The following MGAT4C variants were observed in gnomAD, a reference collection of about 807,000 sequenced individuals.
MGAT4C encodes MGAT4 family member C, also known as alpha-1,3-mannosyl-glycoprotein 4-beta-N-acetylglucosaminyltransferase C.
MGAT4C carries 19 observed loss-of-function variants against 40.1 expected under a neutral mutation model. The observed-to-expected ratio is 0.47, with a 90% confidence interval of 0.33 to 0.70. The LOEUF (loss-of-function observed/expected upper bound fraction) is 0.70, where lower values mean the gene tolerates loss of function less well. Ranked by LOEUF, MGAT4C falls within the 30% of genes least tolerant of loss-of-function variation. The pLI, the probability that MGAT4C is intolerant of heterozygous loss-of-function variation, is 0.02. For missense variants in MGAT4C, 491 were observed against 563.2 expected (o/e 0.87, Z 1.30); for synonymous variants, 181 against 187.1 (o/e 0.97, Z 0.27).
At chr12:86,626,725 C>T (rs370293461) in intron 2 of MGAT4C, among the ~76,000 whole-genome samples, 1 of 152,238 alleles carries the variant, frequency 6.6e-6, no homozygotes, top group African/African-American at 2.4e-5. Context: ...TAGAATTATT[C>T]CCTAAAACAT....
intron 4 of MGAT4C, among the ~76,000 whole-genome samples, chr12:86,308,141 A>G (rs1953985906): frequency 1.3e-5 from 2 of 150,846 alleles, no homozygotes; most frequent in South Asian, 2.1e-4. Flanking sequence ...GAAAACATCA[A>G]TTATGTTTAT....
intron 1 of MGAT4C, among the ~76,000 whole-genome samples, chr12:86,156,935 G>T (rs565018374): frequency 1.3e-5 from 2 of 152,030 alleles, no homozygotes; most frequent in African/African-American, 4.8e-5. Flanking sequence ...GGCAATTTTG[G>T]CAATTTCCCT....
At chr12:86,824,458 G>T (rs1454693198) in intron 1 of MGAT4C, among the ~76,000 whole-genome samples, 1 of 151,312 alleles carries the variant, frequency 6.6e-6, no homozygotes, top group Non-Finnish European at 1.5e-5. Context: ...AAAAGTTATG[G>T]CTACAGTACA....
At chr12:86,389,078 G>C (rs552292970) in intron 3 of MGAT4C, among the ~76,000 whole-genome samples, 13 of 152,222 alleles carry the variant, frequency 8.5e-5, no homozygotes, top group African/African-American at 2.9e-4. Flanking sequence ...ACTGGTGCAA[G>C]TGCAGATTTG....
intron 1 of MGAT4C, among the ~76,000 whole-genome samples, chr12:86,116,105 G>T (rs546812922): frequency 6.6e-6 from 1 of 151,924 alleles, no homozygotes; most frequent in Admixed American, 6.6e-5. Context: ...CATAAAGGCT[G>T]CTCTGGCCCA....
chr12:86,018,298 T>C (rs183415527), intron 2 of MGAT4C, among the ~76,000 whole-genome samples: 20 of 152,302 alleles, frequency 1.3e-4, no homozygotes, highest in Admixed American at 1.1e-3. Flanking sequence ...TATATTAAAA[T>C]CAACAGAATA....
intron 1 of MGAT4C, among the ~76,000 whole-genome samples, chr12:86,741,945 T>C (rs527460020): frequency 2.3e-4 from 35 of 151,648 alleles, no homozygotes; most frequent in Non-Finnish European, 3.3e-4. Flanking sequence ...TTCTGTATTG[T>C]ATTTAAACAA....
intron 1 of MGAT4C, among the ~76,000 whole-genome samples, chr12:86,079,649 A>G (rs1315646126): frequency 6.6e-6 from 1 of 152,162 alleles, no homozygotes; most frequent in Admixed American, 6.5e-5. Context: ...AATTACCCTG[A>G]AAACATTCCT....
At chr12:86,031,047 A>G (rs1358401493) in intron 2 of MGAT4C, among the ~76,000 whole-genome samples, 1 of 151,798 alleles carries the variant, frequency 6.6e-6, no homozygotes, top group East Asian at 1.9e-4. Context: ...GCCACACTTA[A>G]GATTGACATT....
At chr12:85,986,849 G>C (rs950232791) in intron 3 of MGAT4C, among the ~76,000 whole-genome samples, 1 of 151,946 alleles carries the variant, frequency 6.6e-6, no homozygotes, top group African/African-American at 2.4e-5. Context: ...ATTCTTGGAG[G>C]GGGCCAGTTT....
chr12:86,407,406 G>T (rs1956495925), intron 3 of MGAT4C, among the ~76,000 whole-genome samples: 1 of 151,756 alleles, frequency 6.6e-6, no homozygotes, highest in South Asian at 2.1e-4. Context: ...GTAACTGAAG[G>T]GTGTAGTGAG....
intron 1 of MGAT4C, among the ~76,000 whole-genome samples, chr12:86,125,996 T>C (rs1291560288): frequency 6.6e-6 from 1 of 151,780 alleles, no homozygotes; most frequent in Non-Finnish European, 1.5e-5. Context: ...TCAGAAAATA[T>C]TATGTAACAC....
At chr12:86,199,525 A>AT (rs1949957982) in intron 1 of MGAT4C, among the ~76,000 whole-genome samples, 1 of 152,000 alleles carries the variant, frequency 6.6e-6, no homozygotes, top group Non-Finnish European at 1.5e-5. Context: ...TTAATATTTA[A>AT]TGTGTGTGTT....
intron 1 of MGAT4C, among the ~76,000 whole-genome samples, chr12:86,231,599 T>C (rs1951326109): frequency 6.6e-6 from 1 of 152,206 alleles, no homozygotes; most frequent in South Asian, 2.1e-4. Flanking sequence ...TCAGAACCTA[T>C]GTATTTGAAT....
chr12:86,089,047 G>C (rs375580857), intron 1 of MGAT4C, among the ~76,000 whole-genome samples: 1 of 151,892 alleles, frequency 6.6e-6, no homozygotes, highest in African/African-American at 2.4e-5. Flanking sequence ...AAATATTATA[G>C]TAAAAGAGAT....
At chr12:86,157,131 G>GAA (rs61550017) in intron 1 of MGAT4C, among the ~76,000 whole-genome samples, 63 of 151,486 alleles carry the variant, frequency 4.2e-4, no homozygotes, top group South Asian at 1.9e-3. Context: ...GGCAAAATAT[G>GAA]AAAAAAAACA....
At chr12:86,050,691 G>T (rs1892816821) in intron 1 of MGAT4C, among the ~76,000 whole-genome samples, 1 of 151,862 alleles carries the variant, frequency 6.6e-6, no homozygotes, top group Admixed American at 6.6e-5. Flanking sequence ...AATGTGCCGT[G>T]GTCAGCTTCT....
chr12:86,458,812 GTATAC>G (rs1334506264), intron 2 of MGAT4C, among the ~76,000 whole-genome samples: 3 of 152,004 alleles, frequency 2.0e-5, no homozygotes, highest in Non-Finnish European at 4.4e-5. Context: ...TTATTATAAT[GTATAC>G]TATACTTTTA....
intron 2 of MGAT4C, among the ~76,000 whole-genome samples, chr12:86,440,645 AAT>A (rs1468118009): frequency 1.3e-5 from 2 of 152,274 alleles, no homozygotes; most frequent in East Asian, 3.9e-4. Flanking sequence ...AGGGAAAAGA[AAT>A]AAATAAATAC....
Sources: gnomAD v4.1 joint callset for allele counts (sites outside exome capture counted in the v4.1 genomes callset) on GRCh38, gnomAD v4.1.1 for gene constraint, MANE v1.5 for transcripts, NCBI Gene and HGNC (gene_info 2026-07-23, HGNC 2026-07-21) for gene names.